Variants in IRAK2 observed in about 807,000 individuals in gnomAD.
IRAK2 encodes interleukin-1 receptor-associated kinase-like 2.
In IRAK2, 57 loss-of-function variants were observed where a neutral mutation model predicts 72.0. The observed-to-expected ratio is 0.79, with a 90% confidence interval of 0.64 to 0.99. The LOEUF (loss-of-function observed/expected upper bound fraction) is 0.99. Among genes scored for constraint, IRAK2 ranks in the 50% least tolerant of loss-of-function variants. The probability of loss-of-function intolerance (pLI) is 0.00; values close to 1 mark genes in which losing one functional copy is unlikely to be tolerated. For missense variants in IRAK2, 790 were observed against 794.4 expected (o/e 0.99, Z 0.07); for synonymous variants, 293 against 312.7 (o/e 0.94, Z 0.67).
At chr3:10,197,710 G>A (rs190821298) in intron 2 of IRAK2, among the ~76,000 whole-genome samples, 17 of 150,516 alleles carry the variant, frequency 1.1e-4, no homozygotes, top group African/African-American at 4.2e-4. Context: ...AAATTAGCCG[G>A]GTGTGGTGGT....
At chr3:10,170,129 T>G (rs566456703) in intron 1 of IRAK2, among the ~76,000 whole-genome samples, 3 of 152,326 alleles carry the variant, frequency 2.0e-5, no homozygotes, top group Admixed American at 6.5e-5. Flanking sequence ...TGGCCTTGAC[T>G]GGCTTCCTGA....
chr3:10,220,622 T>C (rs577017125), intron 8 of IRAK2, among the ~76,000 whole-genome samples: 11 of 152,186 alleles, frequency 7.2e-5, no homozygotes, highest in Middle Eastern at 3.4e-3. Context: ...TTTGTATTTT[T>C]AGTAGATAGG....
intron 10 of IRAK2, among the ~76,000 whole-genome samples, chr3:10,229,935 T>C (rs1697834180): frequency 6.6e-6 from 1 of 151,982 alleles, no homozygotes; most frequent in African/African-American, 2.4e-5. Flanking sequence ...ACCCCGTCTC[T>C]ACTAAAAACA....
At chr3:10,210,384 A>T (rs1352692988) in intron 4 of IRAK2, among the ~76,000 whole-genome samples, 2 of 152,092 alleles carry the variant, frequency 1.3e-5, no homozygotes, top group African/African-American at 4.8e-5. Context: ...CTGTCTCCAA[A>T]AATGTATGAC....
chr3:10,226,379 C>T lies in IRAK2; in HGVS notation c.1218C>T (p.Ala406=), dbSNP rs370330892. 4.7e-5 allele frequency: 76 copies of T among 1,613,236 alleles called. No individual in the cohort carries two copies. The highest frequency in any genetic ancestry group is 6.7e-5 in the African/African-American group (5 of 74,890). Residue 406 remains alanine, a synonymous_variant, in exon 10 of 13, where the codon GCC becomes GCT. Coordinates refer to ENST00000256458, the MANE Select transcript of IRAK2 (RefSeq NM_001570.4). ...VDIFSCGIVL[A]EVLTGIPAMD... is the part of the protein sequence containing the mutation. ...CGTTCTGTTCTCTCCAGGTGTTGGC[C>T]GAGGTCCTCACGGGCATCCCTGCAA...
intron 3 of IRAK2, among the ~76,000 whole-genome samples, chr3:10,206,862 ATT>A (rs34603459): frequency 2.9e-4 from 43 of 149,768 alleles, no homozygotes; most frequent in African/African-American, 8.6e-4. Flanking sequence ...GCCAAAACAA[ATT>A]TTTTTTTTTT....
intron 3 of IRAK2, among the ~76,000 whole-genome samples, chr3:10,201,183 C>G (rs888734072): frequency 6.6e-6 from 1 of 152,196 alleles, no homozygotes; most frequent in Non-Finnish European, 1.5e-5. Context: ...ATTTAATCTT[C>G]AACTAACTAT....
chr3:10,165,795 A>G (rs1696676832), intron 1 of IRAK2, among the ~76,000 whole-genome samples: 1 of 132,778 alleles, frequency 7.5e-6, no homozygotes, highest in African/African-American at 3.0e-5. Flanking sequence ...CAGTGGCGCG[A>G]TCTAGGCTCG....
At chr3:10,182,858 C>CTT (rs1696982632) in intron 2 of IRAK2, among the ~76,000 whole-genome samples, 1 of 151,614 alleles carries the variant, frequency 6.6e-6, no homozygotes, top group Non-Finnish European at 1.5e-5. Flanking sequence ...GCAACCTCTG[C>CTT]TTCTGGAGTT....
intron 3 of IRAK2, among the ~76,000 whole-genome samples, chr3:10,202,606 G>C (rs1697379118): frequency 6.6e-6 from 1 of 151,782 alleles, no homozygotes; most frequent in Admixed American, 6.6e-5. Flanking sequence ...CTGGGTGACA[G>C]AGTGAGACTC....
rs2125166223 is a variant in IRAK2, at chr3:10,238,865, G to A, written c.1591G>A (p.Asp531Asn). The A allele has an allele frequency of 6.8e-6, 11 of 1,614,118 alleles. No individual in the cohort carries two copies. Among genetic ancestry groups the A allele is most frequent in the East Asian group, 2.2e-5 (1 of 44,866 alleles). The change falls in exon 12 of 13, where the codon GAC (aspartate) becomes AAC (asparagine). Residue 531 changes from aspartate (D) to asparagine (N), a missense_variant. By Grantham distance (23) the Asp-to-Asn change is conservative. Coordinates refer to ENST00000256458, the MANE Select transcript of IRAK2 (RefSeq NM_001570.4). ...SSSNTPEETD[D>N]VDNSSLDASS... ...TTCCAACACCCCAGAGGAAACAGAC[G>A]ACGTTGACAATTCCAGCCTTGATGC...
chr3:10,224,289 A>G (rs1277440370), intron 9 of IRAK2, among the ~76,000 whole-genome samples: 1 of 151,164 alleles, frequency 6.6e-6, no homozygotes, highest in Non-Finnish European at 1.5e-5. Context: ...GTAAGCCGAG[A>G]TCGCGCCATT....
chr3:10,208,559 C>G (rs554583167), intron 3 of IRAK2, among the ~76,000 whole-genome samples: 1 of 151,678 alleles, frequency 6.6e-6, no homozygotes, highest in African/African-American at 2.4e-5. Flanking sequence ...TTCAGGAGAT[C>G]GAGACCATCC....
chr3:10,242,459 C>CAG lies in IRAK2; in HGVS notation c.*234_*235dup, dbSNP rs1316198858. The CAG allele has an allele frequency of 6.0e-6, 2 of 332,086 alleles. No homozygotes were observed. The highest frequency in any genetic ancestry group is 4.2e-5 in the African/African-American group (2 of 47,128). 20.6% of individuals were successfully genotyped at this position (332,086 alleles called of 1,614,324 possible). On this transcript the variant is annotated 3_prime_UTR_variant, in exon 13 of 13. Coordinates refer to ENST00000256458, the MANE Select transcript of IRAK2 (RefSeq NM_001570.4). Reference sequence around the variant, plus strand: ...CTCTTCCTTTCTGGGCTTTGTTAGTCAGAGCAGGGGATCAGAGGAGACTGA... The same window carrying CAG: ...CTCTTCCTTTCTGGGCTTTGTTAGTCAGAGAGCAGGGGATCAGAGGAGACTGA...
At chr3:10,196,744 G>A (rs1242186119) in intron 2 of IRAK2, among the ~76,000 whole-genome samples, 2 of 152,162 alleles carry the variant, frequency 1.3e-5, no homozygotes, top group African/African-American at 4.8e-5. Context: ...CTTGTTCCCC[G>A]CTGAGCCTCA....
chr3:10,233,729 G>T (rs1697904085), intron 10 of IRAK2, among the ~76,000 whole-genome samples: 1 of 152,132 alleles, frequency 6.6e-6, no homozygotes, highest in South Asian at 2.1e-4. Flanking sequence ...CCATATAAAT[G>T]GTAGCTATTA....
chr3:10,220,928 C>G (rs1697677446), intron 8 of IRAK2, among the ~76,000 whole-genome samples: 1 of 152,086 alleles, frequency 6.6e-6, no homozygotes, highest in Non-Finnish European at 1.5e-5. Flanking sequence ...AATTCACATC[C>G]TGTTTTTTAC....
chr3:10,223,489 C>T (rs11465917), intron 9 of IRAK2, among the ~76,000 whole-genome samples: 2,526 of 152,306 alleles, frequency 0.017, 65 homozygotes, highest in African/African-American at 0.057. Flanking sequence ...CCAGTTCCTT[C>T]GGACCTCTAG....
intron 4 of IRAK2, among the ~76,000 whole-genome samples, chr3:10,210,888 C>G (rs933462273): frequency 1.3e-5 from 2 of 152,132 alleles, no homozygotes; most frequent in Non-Finnish European, 2.9e-5. Flanking sequence ...TTTGAGGAGT[C>G]TCGCTCCATT....
Sources: gnomAD v4.1 joint callset for allele counts (sites outside exome capture counted in the v4.1 genomes callset) on GRCh38, gnomAD v4.1.1 for gene constraint, MANE v1.5 for transcripts, NCBI Gene and HGNC (gene_info 2026-07-23, HGNC 2026-07-21) for gene names.